The following FRZB variants were observed in gnomAD, a reference collection of about 807,000 sequenced individuals.
FRZB encodes the protein frizzled related protein, also known as secreted frizzled-related protein 3.
A neutral mutation model predicts 32.5 loss-of-function variants in FRZB; 34 were observed. That is an observed-to-expected ratio of 1.05 (90% CI 0.80 to 1.39). The LOEUF (loss-of-function observed/expected upper bound fraction) is 1.39, where lower values mean the gene tolerates loss of function less well. Among genes scored for constraint, FRZB ranks in the 40% most tolerant of loss-of-function variants. The pLI is 0.00. For missense variants in FRZB, 423 were observed against 424.8 expected (o/e 1.00, Z 0.04); for synonymous variants, 170 against 159.2 (o/e 1.07, Z -0.51).
chr2:182,866,431 G>A lies in FRZB; in HGVS notation c.122C>T (p.Pro41Leu). The change falls in exon 1 of 6, where the codon CCC becomes CTC. Residue 41 changes from proline (P) to leucine (L), a missense_variant. Transcript: ENST00000295113. The surrounding 1 kb of genome is among the most constrained non-coding windows in gnomAD (Gnocchi z 4.5). ...RAAACEPVRIPLCKSLPWNMT... is the reference protein window; with the variant it reads ...RAAACEPVRILLCKSLPWNMT... Reference sequence around the variant, plus strand: ...GTTCCAGGGCAGGGACTTGCACAGGGGGATGCGGACGGGCTCACAGGCTGC... The same window carrying A: ...GTTCCAGGGCAGGGACTTGCACAGGAGGATGCGGACGGGCTCACAGGCTGC... 6.3e-7 allele frequency: 1 copy of A among 1,599,190 alleles called. No individual in the cohort carries two copies. Among genetic ancestry groups the A allele is most frequent in the Non-Finnish European group, 8.5e-7 (1 of 1,170,974 alleles).
At chr2:182,845,510 G>T (rs570227235) in intron 2 of FRZB, among the ~76,000 whole-genome samples, 1 of 152,054 alleles carries the variant, frequency 6.6e-6, no homozygotes, top group African/African-American at 2.4e-5. Context: ...TTTCACTGTT[G>T]AGAAGAAAAG....
intron 1 of FRZB, among the ~76,000 whole-genome samples, chr2:182,861,715 G>C (rs1309781784): frequency 6.6e-6 from 1 of 152,130 alleles, no homozygotes; most frequent in Non-Finnish European, 1.5e-5. Context: ...CTATTTGTTG[G>C]CTGTTGGTCT....
chr2:182,844,914 C>T (rs79218111), intron 2 of FRZB, among the ~76,000 whole-genome samples: 2 of 152,042 alleles, frequency 1.3e-5, no homozygotes, highest in Admixed American at 1.3e-4. Context: ...CAATGCCATA[C>T]TAAATATATA....
Position 182,838,609 on chromosome 2 carries a change from A to C in FRZB, c.597T>G (p.Ile199Met). The change falls in exon 4 of 6, where the codon ATT becomes ATG. Residue 199 changes from isoleucine to methionine, a missense_variant. Ile to Met is a conservative substitution (Grantham distance 10). Coordinates refer to ENST00000295113, the MANE Select transcript of FRZB (RefSeq NM_001463.4). Reference protein sequence around the residue: ...TYFRNNYNYVIRAKVKEIKTK... With the variant: ...TYFRNNYNYVMRAKVKEIKTK... ...TCTTTATCTCTTTAACTTTAGCCCGAATGACTGGGATAAAAGACAAGAAAA... is the reference window on the plus strand; with the variant it reads ...TCTTTATCTCTTTAACTTTAGCCCGCATGACTGGGATAAAAGACAAGAAAA... 1 of 1,611,384 alleles carries C rather than the reference A, an allele frequency of 6.2e-7. No individual in the cohort carries two copies. Among genetic ancestry groups the C allele is most frequent in the South Asian group, 1.1e-5 (1 of 91,018 alleles).
In FRZB at chr2:182,852,563, T is replaced by A. The variant is rs529531664; in HGVS notation, c.526+6223A>T. On this transcript the variant is annotated intron_variant, in intron 2 of 5. Coordinates refer to ENST00000295113, the MANE Select transcript of FRZB (RefSeq NM_001463.4). Reference sequence around the variant, plus strand: ...ACTCTATCTCCGCTCTGGAGACATTTGTGTTTTTCAAATGTGAAAGTTCAT... The same window carrying A: ...ACTCTATCTCCGCTCTGGAGACATTAGTGTTTTTCAAATGTGAAAGTTCAT... Among the ~76,000 whole-genome samples the A allele has an allele frequency of 6.6e-5, 10 of 152,322 alleles. No individual in the cohort carries two copies. The South Asian group carries it at 2.1e-3, about 32-fold the overall frequency.
chr2:182,857,201 A>T (rs1695779073), intron 2 of FRZB, among the ~76,000 whole-genome samples: 1 of 152,248 alleles, frequency 6.6e-6, no homozygotes, highest in Non-Finnish European at 1.5e-5. Context: ...ATGATGCACA[A>T]GTCAAAGGAA....
intron 2 of FRZB, among the ~76,000 whole-genome samples, chr2:182,856,458 A>G (rs1380577902): frequency 6.6e-6 from 1 of 152,020 alleles, no homozygotes; most frequent in Non-Finnish European, 1.5e-5. Context: ...AAAACAGTAG[A>G]TCTAAATACA....
chr2:182,852,709 T>A (rs1428595377), intron 2 of FRZB, among the ~76,000 whole-genome samples: 1 of 152,214 alleles, frequency 6.6e-6, no homozygotes, highest in African/African-American at 2.4e-5. Context: ...GTGTGCTGAT[T>A]TGATAGATCA....
chr2:182,853,827 A>T (rs1043653145), intron 2 of FRZB, among the ~76,000 whole-genome samples: 1 of 152,242 alleles, frequency 6.6e-6, no homozygotes, highest in African/African-American at 2.4e-5. Context: ...GAGGAAAGTG[A>T]AATGGAATAT....
rs1695895357 is a variant in FRZB, at chr2:182,866,513, C to T, written c.40G>A (p.Ala14Thr). 1 of 1,497,856 alleles carries T rather than the reference C, an allele frequency of 6.7e-7. No individual in the cohort carries two copies. The highest frequency in any genetic ancestry group is 2.2e-5 in the Admixed American group (1 of 45,938). 92.8% of individuals were successfully genotyped at this position (1,497,856 alleles called of 1,614,324 possible). A position where few individuals can be genotyped will look rare whatever the true frequency, so the allele number is the denominator to read the frequency against. Residue 14 changes from alanine (A) to threonine (T), a missense_variant, in exon 1 of 6, where the codon GCC becomes ACC. By Grantham distance (58) the Ala-to-Thr change is moderately conservative (BLOSUM62 0). Coordinates refer to ENST00000295113, the MANE Select transcript of FRZB (RefSeq NM_001463.4). This position sits in a 1 kb window ranked among gnomAD's most constrained non-coding sequence, Gnocchi z 4.5. ...GSPGGMLLLR[A>T]GLLALAALCL... The stretch of plus-strand genomic sequence containing the variant: ...AGAGCAGCCAGGGCAAGCAGCCCGG[C>T]CCGCAGCAGCAGCATCCCTCCCGGG...
rs776943629 is a variant in FRZB at position 182,844,176 on chromosome 2, A to G, written c.527-1633T>C. Among the ~76,000 whole-genome samples the G allele has an allele frequency of 3.3e-5, 5 of 152,192 alleles. No individual in the cohort carries two copies. The East Asian group carries it at 5.8e-4, about 18-fold the overall frequency. On this transcript the variant is annotated intron_variant, in intron 2 of 5. Transcript: ENST00000295113. ...CCATGACAGAAATGAGAATTCCTCA[A>G]TACCACACACAGCTCCTTCCCTTGT...
chr2:182,835,448 G>GA (rs1013370932), intron 5 of FRZB, among the ~76,000 whole-genome samples: 1 of 132,482 alleles, frequency 7.5e-6, no homozygotes, highest in African/African-American at 3.2e-5. Flanking sequence ...TTTGAGGGAT[G>GA]GGGGGGTCTC....
chr2:182,850,799 C>T (rs1049814879), intron 2 of FRZB, among the ~76,000 whole-genome samples: 1 of 152,074 alleles, frequency 6.6e-6, no homozygotes. Flanking sequence ...GAAGAACTCC[C>T]TATTGTTTTC....
intron 2 of FRZB, among the ~76,000 whole-genome samples, chr2:182,849,158 T>C (rs1484007842): frequency 6.6e-6 from 1 of 151,606 alleles, no homozygotes; most frequent in Non-Finnish European, 1.5e-5. Context: ...ACCCGGGGGG[T>C]GGAGCTTGCA....
rs186336623 is a variant in FRZB at position 182,864,918 on chromosome 2, A to G, written c.478+1157T>C. On this transcript the variant is annotated intron_variant, in intron 1 of 5. Transcript: ENST00000295113. ...GAAAGAGGACCACTCATGAAAAAAA[A>G]TTGCCTTCTTTATAAAATATATGAA... 4.4e-3 allele frequency among the ~76,000 whole-genome samples: 676 copies of G among 152,304 alleles called. 4 individuals carry two copies. The highest frequency in any genetic ancestry group is 8.0e-3 in the Non-Finnish European group (541 of 68,028).
At chr2:182,842,360 G>T in intron 3 of FRZB, 118 bp downstream of exon 3, 1 of 750,162 alleles carries the variant, frequency 1.3e-6, no homozygotes, top group Non-Finnish European at 2.3e-6. Context: ...TAGTCCTTCT[G>T]TTTTTAAGCC....
At position 182,842,555 on chromosome 2, in the gene FRZB, A is replaced by G; in HGVS notation, c.527-12T>C. On this transcript the variant is annotated splice_polypyrimidine_tract_variant and intron_variant, in intron 2 of 5. Transcript: ENST00000295113. The stretch of plus-strand genomic sequence containing the variant: ...ACATTTACAGCGTTCTGAAAAACAC[A>G]TTTTAGTTATAAGCACATTTCCAAT... The G allele has an allele frequency of 6.2e-7, 1 of 1,601,254 alleles. No individual in the cohort carries two copies. Among genetic ancestry groups the G allele is most frequent in the Non-Finnish European group, 8.6e-7 (1 of 1,169,086 alleles).
chr2:182,835,766 G>A (rs1004264880), intron 5 of FRZB, among the ~76,000 whole-genome samples: 2 of 152,004 alleles, frequency 1.3e-5, no homozygotes, highest in African/African-American at 2.4e-5. Context: ...AGACAGGGCC[G>A]AAGATTTTCA....
chr2:182,859,824 C>A (rs11888086), intron 1 of FRZB, among the ~76,000 whole-genome samples: 8,398 of 152,186 alleles, frequency 0.055, 762 homozygotes, highest in African/African-American at 0.19. Context: ...AGTCAGCAAA[C>A]AAACAGATAA....
Sources: gnomAD v4.1 joint callset for allele counts (sites outside exome capture counted in the v4.1 genomes callset) on GRCh38, gnomAD v4.1.1 for gene constraint, Gnocchi (gnomAD v3.1) non-coding constraint, MANE v1.5 for transcripts, NCBI Gene and HGNC (gene_info 2026-07-23, HGNC 2026-07-21) for gene names.